MGMT: variants seen among roughly 807,000 people sequenced by gnomAD.
MGMT encodes the protein methylated-DNA--protein-cysteine methyltransferase.
Under a neutral mutation model 15.9 loss-of-function variants are expected in MGMT, and 14 were observed. The observed-to-expected ratio is 0.88, with a 90% CI of 0.58 to 1.37. The LOEUF (loss-of-function observed/expected upper bound fraction) is 1.37, where lower values mean the gene tolerates loss of function less well. Ranked by LOEUF, MGMT falls within the 40% of genes most tolerant of loss-of-function variation. The probability of loss-of-function intolerance (pLI) is 0.00; values close to 1 mark genes in which losing one functional copy is unlikely to be tolerated. For missense variants in MGMT, 282 were observed against 268.1 expected, an observed-to-expected ratio of 1.05 and a Z score of -0.36; for synonymous variants, 130 against 118.2, an observed-to-expected ratio of 1.10 and a Z score of -0.65.
intron 1 of MGMT, among the ~76,000 whole-genome samples, chr10:129,530,957 A>G (rs1472793827): frequency 6.6e-6 from 1 of 151,890 alleles, no homozygotes; most frequent in Non-Finnish European, 1.5e-5. Context: ...AGCCCTGCGG[A>G]GTGGTTCCCT....
At chr10:129,517,266 C>T (rs145541775) in intron 1 of MGMT, among the ~76,000 whole-genome samples, 26 of 152,286 alleles carry the variant, frequency 1.7e-4, no homozygotes, top group East Asian at 7.8e-4. Context: ...CCAGAGGGCA[C>T]GGGCCCCCTT....
chr10:129,617,124 C>T (rs978994112), intron 2 of MGMT, among the ~76,000 whole-genome samples: 1 of 152,116 alleles, frequency 6.6e-6, no homozygotes, highest in Non-Finnish European at 1.5e-5. Context: ...AATCCTCACC[C>T]TCCTCCCACC....
Position 129,513,334 on chromosome 10 carries a change from A to C in MGMT, c.-12-22907A>C, listed in dbSNP as rs542092589. Among the ~76,000 whole-genome samples, 20 of 152,340 alleles carry C rather than the reference A, an allele frequency of 1.3e-4. No homozygotes were observed. In the South Asian group the frequency reaches 3.7e-3, roughly 28 times the overall value. Reference sequence around the variant, plus strand: ...GAGGTGATGGATACACAACTTTGTGAATGTATTTAATGCCACTGAATTACA... The same window carrying C: ...GAGGTGATGGATACACAACTTTGTGCATGTATTTAATGCCACTGAATTACA... On this transcript the variant is annotated intron_variant, in intron 1 of 4. Transcript: ENST00000651593.
chr10:129,633,437 G>C (rs1589905313), intron 2 of MGMT, among the ~76,000 whole-genome samples: 1 of 152,194 alleles, frequency 6.6e-6, no homozygotes, highest in East Asian at 1.9e-4. Flanking sequence ...GTGAGAAAAA[G>C]CTTGAAGTGA....
At chr10:129,517,209 G>T (rs1466799037) in intron 1 of MGMT, among the ~76,000 whole-genome samples, 2 of 152,212 alleles carry the variant, frequency 1.3e-5, no homozygotes, top group East Asian at 3.9e-4. Context: ...TGGACAGCGA[G>T]GGGCAGTCTT....
intron 2 of MGMT, among the ~76,000 whole-genome samples, chr10:129,593,106 C>T (rs1048197587): frequency 6.6e-5 from 10 of 152,148 alleles, no homozygotes; most frequent in African/African-American, 2.4e-4. Context: ...GAGGGAGAAG[C>T]CCCAAGCCGT....
At chr10:129,604,190 C>T (rs936426221) in intron 2 of MGMT, among the ~76,000 whole-genome samples, 5 of 152,268 alleles carry the variant, frequency 3.3e-5, no homozygotes, top group South Asian at 2.1e-4. Flanking sequence ...GCACTCTCTA[C>T]GACGCTCATC....
chr10:129,586,940 T>C (rs531189968), intron 2 of MGMT, among the ~76,000 whole-genome samples: 3 of 152,262 alleles, frequency 2.0e-5, no homozygotes, highest in Non-Finnish European at 2.9e-5. Context: ...GGTCTGATGG[T>C]GATACTGTCT....
At position 129,759,191 on chromosome 10, in the gene MGMT, C is replaced by T. The variant is rs1293348224; in HGVS notation, c.275-11C>T. On this transcript the variant is annotated splice_polypyrimidine_tract_variant and intron_variant, in intron 3 of 4. Coordinates refer to ENST00000651593, the MANE Select transcript of MGMT (RefSeq NM_002412.5). The stretch of plus-strand genomic sequence containing the variant: ...TGTCCAAATAACATTATCCTGCATT[C>T]TTCCTTTCAGAGTCGTTCACCAGAC... 1 of 1,614,060 alleles carries T rather than the reference C, an allele frequency of 6.2e-7. No individual in the cohort carries two copies. Among genetic ancestry groups the T allele is most frequent in the African/African-American group, 1.3e-5 (1 of 74,928 alleles).
intron 2 of MGMT, among the ~76,000 whole-genome samples, chr10:129,693,419 T>C (rs1315307212): frequency 6.6e-6 from 1 of 152,272 alleles, no homozygotes; most frequent in East Asian, 1.9e-4. Context: ...TTTCAAAAGA[T>C]CCCCAAGTTA....
intron 2 of MGMT, among the ~76,000 whole-genome samples, chr10:129,625,696 TACATG>T (rs1847139005): frequency 6.6e-6 from 1 of 151,550 alleles, no homozygotes; most frequent in Admixed American, 6.6e-5. Context: ...GAAATTCTCT[TACATG>T]ACAGCGTGTA....
chr10:129,538,112 A>T (rs1846005275), intron 2 of MGMT, among the ~76,000 whole-genome samples: 1 of 152,254 alleles, frequency 6.6e-6, no homozygotes. Flanking sequence ...ATATAAAAGT[A>T]TATGAATAGT....
intron 1 of MGMT, among the ~76,000 whole-genome samples, chr10:129,528,475 G>A (rs566856373): frequency 1.3e-5 from 2 of 152,044 alleles, no homozygotes; most frequent in East Asian, 3.9e-4. Flanking sequence ...TAGCACGGAG[G>A]CTGTGAAGCG....
intron 3 of MGMT, among the ~76,000 whole-genome samples, chr10:129,721,612 C>A (rs948227287): frequency 6.6e-6 from 1 of 152,112 alleles, no homozygotes; most frequent in African/African-American, 2.4e-5. Flanking sequence ...AAACATATGA[C>A]AACAATAGCA....
intron 1 of MGMT, among the ~76,000 whole-genome samples, chr10:129,495,624 C>T (rs1007180506): frequency 3.3e-5 from 5 of 152,174 alleles, no homozygotes; most frequent in Non-Finnish European, 7.3e-5. Flanking sequence ...ATTCTGCAGC[C>T]GTTTTGTACA....
chr10:129,528,517 G>A (rs1163164540), intron 1 of MGMT, among the ~76,000 whole-genome samples: 8 of 151,826 alleles, frequency 5.3e-5, no homozygotes, highest in South Asian at 2.1e-4. Flanking sequence ...GGGCAGTGGC[G>A]GGGGGAGCGG....
At chr10:129,597,043 C>T (rs1232548850) in intron 2 of MGMT, among the ~76,000 whole-genome samples, 1 of 152,102 alleles carries the variant, frequency 6.6e-6, no homozygotes, top group Admixed American at 6.6e-5. Context: ...TGATCTTCCT[C>T]TCCTGTAGAT....
intron 1 of MGMT, among the ~76,000 whole-genome samples, chr10:129,524,812 G>T (rs1845851355): frequency 6.6e-6 from 1 of 151,204 alleles, no homozygotes; most frequent in East Asian, 2.0e-4. Context: ...GGATGGTCTG[G>T]ATCTCCTGAC....
rs760604285 is a variant in MGMT at position 129,566,831 on chromosome 10, T to G, written c.125+30454T>G. 6.6e-6 allele frequency among the ~76,000 whole-genome samples: 1 copy of G among 152,132 alleles called. No individual in the cohort carries two copies. The highest frequency in any genetic ancestry group is 1.5e-5 in the Non-Finnish European group (1 of 68,040). On this transcript the variant is annotated intron_variant, in intron 2 of 4. Transcript: ENST00000651593. This position sits in a 1 kb window ranked among gnomAD's most constrained non-coding sequence, Gnocchi z 4.1. ...TCCACATTTTTGAAGAGCTGCAGGC[T>G]GGGGAGCCCCCGTGGCGAACAGAGG...
Sources: gnomAD v4.1 joint callset for allele counts (sites outside exome capture counted in the v4.1 genomes callset) on GRCh38, gnomAD v4.1.1 for gene constraint, Gnocchi (gnomAD v3.1) non-coding constraint, MANE v1.5 for transcripts, NCBI Gene and HGNC (gene_info 2026-07-23, HGNC 2026-07-21) for gene names.